The following RORB variants were observed in gnomAD, a reference collection of about 807,000 sequenced individuals.
RORB encodes the protein RAR related orphan receptor B, also known as nuclear receptor ROR-beta.
In RORB, 6 loss-of-function variants were observed where a neutral mutation model predicts 59.1. That is an observed-to-expected ratio of 0.10 (90% CI 0.06 to 0.20). The LOEUF (loss-of-function observed/expected upper bound fraction) is 0.20. RORB is among the 10% of genes least tolerant of loss of function. The pLI is 1.00. For synonymous variants in RORB, 215 were observed against 204.5 expected, an observed-to-expected ratio of 1.05 and a Z score of -0.44; for missense variants, 320 against 560.5, an observed-to-expected ratio of 0.57 and a Z score of 4.33.
chr9:74,504,533 C>T (rs934188820), intron 1 of RORB, among the ~76,000 whole-genome samples: 2 of 151,924 alleles, frequency 1.3e-5, no homozygotes, highest in Non-Finnish European at 2.9e-5. Flanking sequence ...GCATGTTCAC[C>T]TCTGGGTAGT....
intron 1 of RORB, among the ~76,000 whole-genome samples, chr9:74,545,823 G>A (rs894878378): frequency 6.6e-6 from 1 of 151,766 alleles, no homozygotes; most frequent in Non-Finnish European, 1.5e-5. Context: ...TTTTTCAGGG[G>A]ACATATATCT....
intron 2 of RORB, among the ~76,000 whole-genome samples, chr9:74,633,752 C>T (rs917996366): frequency 6.6e-6 from 1 of 152,098 alleles, no homozygotes; most frequent in East Asian, 1.9e-4. Context: ...TCATTTTTTA[C>T]CTGATGAACC....
At chr9:74,682,013 C>G (rs1563973668) in intron 9 of RORB, among the ~76,000 whole-genome samples, 1 of 152,110 alleles carries the variant, frequency 6.6e-6, no homozygotes, top group South Asian at 2.1e-4. Context: ...TGGCTTCCTG[C>G]CTTCCATGTC....
intron 4 of RORB, among the ~76,000 whole-genome samples, chr9:74,647,049 C>G (rs557297491): frequency 7.8e-4 from 118 of 152,020 alleles, no homozygotes; most frequent in Admixed American, 1.2e-3. Flanking sequence ...TTTCTAAAAC[C>G]ATAGGAAAAA....
chr9:74,579,022 G>A (rs967953909), intron 1 of RORB, among the ~76,000 whole-genome samples: 12 of 152,086 alleles, frequency 7.9e-5, no homozygotes, highest in African/African-American at 2.4e-4. Context: ...TCTTCCCAAC[G>A]AACTAGTGTT....
At chr9:74,503,152 TAA>T (rs1373055617) in intron 1 of RORB, among the ~76,000 whole-genome samples, 1 of 152,050 alleles carries the variant, frequency 6.6e-6, no homozygotes, top group African/African-American at 2.4e-5. Context: ...ACTAATGAAA[TAA>T]GTCTTTTGTG....
At chr9:74,574,350 G>A (rs1822598526) in intron 1 of RORB, among the ~76,000 whole-genome samples, 1 of 152,200 alleles carries the variant, frequency 6.6e-6, no homozygotes, top group Admixed American at 6.5e-5. Context: ...CTGCTGTGTT[G>A]TTATATCACT....
chr9:74,514,063 A>G (rs537891046), intron 1 of RORB, among the ~76,000 whole-genome samples: 1 of 152,256 alleles, frequency 6.6e-6, no homozygotes, highest in South Asian at 2.1e-4. Flanking sequence ...AAACTCTTTG[A>G]AGAACCCAGA....
chr9:74,564,853 G>A (rs1426427853), intron 1 of RORB, among the ~76,000 whole-genome samples: 1 of 152,182 alleles, frequency 6.6e-6, no homozygotes, highest in Non-Finnish European at 1.5e-5. Context: ...TTTTTTAAAA[G>A]GTGTAAAGAG....
chr9:74,673,211 T>C (rs1382380557), intron 9 of RORB, among the ~76,000 whole-genome samples: 1 of 152,212 alleles, frequency 6.6e-6, no homozygotes, highest in Non-Finnish European at 1.5e-5. Context: ...AAGACAATAA[T>C]GTAAATATAT....
chr9:74,560,327 G>A (rs1353218971), intron 1 of RORB, among the ~76,000 whole-genome samples: 2 of 152,088 alleles, frequency 1.3e-5, no homozygotes, highest in African/African-American at 2.4e-5. Flanking sequence ...CTCAGAATTC[G>A]AAGTAGGGTG....
At chr9:74,562,281 T>C (rs1407606108) in intron 1 of RORB, among the ~76,000 whole-genome samples, 1 of 152,202 alleles carries the variant, frequency 6.6e-6, no homozygotes, top group African/African-American at 2.4e-5. Flanking sequence ...TCAAATATTA[T>C]TCTTGGTATC....
At chr9:74,670,731 C>T (rs1297022737) in intron 8 of RORB, among the ~76,000 whole-genome samples, 1 of 152,128 alleles carries the variant, frequency 6.6e-6, no homozygotes, top group Non-Finnish European at 1.5e-5. Context: ...TCTCCAGGGT[C>T]CTGACATAAG....
intron 3 of RORB, 25 bp downstream of exon 3, chr9:74,634,797 T>C (rs752556207): frequency 6.3e-7 from 1 of 1,594,376 alleles, no homozygotes; most frequent in South Asian, 1.1e-5. Flanking sequence ...TCCTGTTTCT[T>C]ACTTAAGCCC....
Position 74,685,867 on chromosome 9 carries a change from T to C in RORB, c.*249T>C, listed in dbSNP as rs1824632978. 3.6e-6 allele frequency: 1 copy of C among 279,376 alleles called. No individual in the cohort carries two copies. Among genetic ancestry groups the C allele is most frequent in the Non-Finnish European group, 6.6e-6 (1 of 150,914 alleles). The allele number at this position is 279,376 out of a possible 1,614,324, so 17.3% of individuals were successfully genotyped here. A position where few individuals can be genotyped will look rare whatever the true frequency, so the allele number is the denominator to read the frequency against. On this transcript the variant is annotated 3_prime_UTR_variant, in exon 10 of 10. Coordinates refer to ENST00000376896, the MANE Select transcript of RORB (RefSeq NM_006914.4). Reference sequence around the variant, plus strand: ...TATAGGACACTGGGTGTTATCCTTTTTTTAATTTTATTCGGGTATGTTTTG... The same window carrying C: ...TATAGGACACTGGGTGTTATCCTTTCTTTAATTTTATTCGGGTATGTTTTG...
At chr9:74,531,773 C>A (rs1395176742) in intron 1 of RORB, among the ~76,000 whole-genome samples, 2 of 151,970 alleles carry the variant, frequency 1.3e-5, no homozygotes, top group Non-Finnish European at 2.9e-5. Flanking sequence ...TCTTTCCACA[C>A]TCCCCTAGTA....
intron 1 of RORB, among the ~76,000 whole-genome samples, chr9:74,555,104 C>T (rs1682504477): frequency 6.6e-6 from 1 of 152,218 alleles, no homozygotes; most frequent in Non-Finnish European, 1.5e-5. Context: ...TTCTCCCTCA[C>T]AGCCCCCTCT....
intron 1 of RORB, among the ~76,000 whole-genome samples, chr9:74,573,996 A>C (rs1283536227): frequency 6.6e-6 from 1 of 152,148 alleles, no homozygotes; most frequent in East Asian, 1.9e-4. Context: ...GTGGGAGGCC[A>C]GGCCATTATC....
rs539905580 is a variant in RORB at position 74,640,250 on chromosome 9, T to C, written c.236-2164T>C. On this transcript the variant is annotated intron_variant, in intron 3 of 9. Transcript: ENST00000376896. ...CTTGGTTGGTTTGTTGTGTTTTGTT[T>C]TGTTTTTTGAGACAGAGTCTCCCTC... 9.2e-5 allele frequency among the ~76,000 whole-genome samples: 14 copies of C among 152,134 alleles called. No homozygotes were observed. The South Asian group carries it at 1.0e-3, about 11-fold the overall frequency.
Sources: gnomAD v4.1 joint callset for allele counts (sites outside exome capture counted in the v4.1 genomes callset) on GRCh38, gnomAD v4.1.1 for gene constraint, MANE v1.5 for transcripts, NCBI Gene and HGNC (gene_info 2026-07-23, HGNC 2026-07-21) for gene names.